The following SH3RF1 variants were observed in gnomAD, a reference collection of about 807,000 sequenced individuals.
SH3RF1 encodes the protein SH3 domain containing ring finger 1.
Under a neutral mutation model 74.0 loss-of-function variants are expected in SH3RF1, and 32 were observed. The ratio of observed to expected loss-of-function variants is 0.43; its 90% CI spans 0.33 to 0.58. SH3RF1 has a LOEUF of 0.58. SH3RF1 is among the 20% of genes least tolerant of loss of function. SH3RF1 has a pLI of 0.05. For missense variants in SH3RF1, 954 were observed against 1,130.9 expected (o/e 0.84, Z 2.24); for synonymous variants, 396 against 439.6 (o/e 0.90, Z 1.24).
intron 4 of SH3RF1, among the ~76,000 whole-genome samples, chr4:169,154,146 T>A (rs1056048453): frequency 2.6e-5 from 4 of 152,190 alleles, no homozygotes; most frequent in Admixed American, 1.3e-4. Flanking sequence ...TTAGAATATA[T>A]ACATAATGTA....
intron 2 of SH3RF1, chr4:169,167,246 T>A (rs779975372): frequency 6.6e-6 from 1 of 152,594 alleles, no homozygotes; most frequent in African/African-American, 2.4e-5. Flanking sequence ...ATCAGGCAAC[T>A]GCAAAATAAA....
intron 2 of SH3RF1, among the ~76,000 whole-genome samples, chr4:169,229,153 G>A (rs1479143664): frequency 6.6e-6 from 1 of 152,122 alleles, no homozygotes; most frequent in Non-Finnish European, 1.5e-5. Context: ...ACAGGATCTT[G>A]TTCTGCGGCC....
At position 169,247,454 on chromosome 4, in the gene SH3RF1, C is replaced by T. The variant is rs77180990; in HGVS notation, c.393+21366G>A. On this transcript the variant is annotated intron_variant, in intron 2 of 11. Coordinates refer to ENST00000284637, the MANE Select transcript of SH3RF1 (RefSeq NM_020870.4). ...AGAGCTGCAGGCAGGCCTGGTAACA[C>T]GAGGCACGTATGAAGGTGTGAGCTA... Among the ~76,000 whole-genome samples, 501 of 152,248 alleles carry T rather than the reference C, an allele frequency of 3.3e-3. 2 individuals are homozygous for T. Among genetic ancestry groups the T allele is most frequent in the African/African-American group, 0.01 (432 of 41,530 alleles).
At chr4:169,131,608 G>A (rs1370457391) in intron 5 of SH3RF1, among the ~76,000 whole-genome samples, 1 of 152,220 alleles carries the variant, frequency 6.6e-6, no homozygotes, top group East Asian at 1.9e-4. Context: ...GTTTCACGCT[G>A]ACTTCCCAGA....
intron 6 of SH3RF1, among the ~76,000 whole-genome samples, chr4:169,125,524 C>T (rs778987572): frequency 7.2e-5 from 11 of 152,178 alleles, no homozygotes; most frequent in Non-Finnish European, 1.6e-4. Context: ...TACAGGCCAG[C>T]TTGCCAGTAA....
chr4:169,175,504 C>T (rs1734405690), intron 2 of SH3RF1, among the ~76,000 whole-genome samples: 1 of 152,170 alleles, frequency 6.6e-6, no homozygotes. Flanking sequence ...ACTTTTCCTT[C>T]TGCTTAGAAT....
rs958344565 is a variant in SH3RF1 at position 169,198,668 on chromosome 4, C to T, written c.394-41989G>A. Among the ~76,000 whole-genome samples the T allele has an allele frequency of 3.9e-4, 59 of 151,686 alleles. 1 individual carries two copies. Among genetic ancestry groups the T allele is most frequent in the Admixed American group, 3.7e-3 (57 of 15,212 alleles). ...GTATACATAAGTATATTAAGCAAAACGATTACTAAAGAGAATAAATAAAAA... is the reference window on the plus strand; with the variant it reads ...GTATACATAAGTATATTAAGCAAAATGATTACTAAAGAGAATAAATAAAAA... On this transcript the variant is annotated intron_variant, in intron 2 of 11. Coordinates refer to ENST00000284637, the MANE Select transcript of SH3RF1 (RefSeq NM_020870.4).
chr4:169,148,805 A>T (rs1252783019), intron 4 of SH3RF1, among the ~76,000 whole-genome samples: 1 of 152,170 alleles, frequency 6.6e-6, no homozygotes, highest in Non-Finnish European at 1.5e-5. Context: ...GATAGTATTT[A>T]TTTGGACCCT....
chr4:169,184,049 G>A (rs17544505), intron 2 of SH3RF1, among the ~76,000 whole-genome samples: 3,301 of 152,266 alleles, frequency 0.022, 65 homozygotes, highest in Middle Eastern at 0.085. Context: ...TAAGGAGGCT[G>A]GAAGGTGTTC....
intron 2 of SH3RF1, among the ~76,000 whole-genome samples, chr4:169,264,474 T>C (rs1731322356): frequency 6.6e-6 from 1 of 152,152 alleles, no homozygotes; most frequent in Admixed American, 6.5e-5. Context: ...ATTCAGCCCC[T>C]AACAGTCAGC....
At chr4:169,217,485 T>C (rs1353766739) in intron 2 of SH3RF1, 1 of 152,320 alleles carries the variant, frequency 6.6e-6, no homozygotes, top group Non-Finnish European at 1.5e-5. Flanking sequence ...GGAAAGTCAG[T>C]TGGCAAAAGG....
intron 2 of SH3RF1, among the ~76,000 whole-genome samples, chr4:169,188,055 G>T (rs1476712700): frequency 6.6e-6 from 1 of 152,004 alleles, no homozygotes; most frequent in Non-Finnish European, 1.5e-5. Context: ...GGCAACCACC[G>T]AAAACTAGGA....
In SH3RF1 at chr4:169,107,045, T is replaced by C. The variant is rs753383438; in HGVS notation, c.2300A>G (p.His767Arg). Residue 767 changes from histidine to arginine, a missense_variant, in exon 11 of 12, where the codon CAT becomes CGT. This residue lies in a region of SH3RF1 where 854 missense variants were observed against 962.5 expected (regional missense o/e 0.89). Coordinates refer to ENST00000284637, the MANE Select transcript of SH3RF1 (RefSeq NM_020870.4). ...VGPELPPGGG[H>R]GRAGSCPVDG... ...CACAGGGCAGGAGCCTGCCCTGCCA[T>C]GGCCACCTCCTGGTGGCAGTTCGGG... 11 of 1,613,754 alleles carry C rather than the reference T, an allele frequency of 6.8e-6. No homozygotes were observed. The highest frequency in any genetic ancestry group is 2.7e-5 in the African/African-American group (2 of 74,922).
intron 2 of SH3RF1, among the ~76,000 whole-genome samples, chr4:169,221,900 C>T (rs1730570239): frequency 6.6e-6 from 1 of 152,084 alleles, no homozygotes; most frequent in Non-Finnish European, 1.5e-5. Context: ...AACCTTTTTG[C>T]TTAACTGGAT....
intron 2 of SH3RF1, among the ~76,000 whole-genome samples, chr4:169,185,680 T>C (rs1428380515): frequency 6.6e-6 from 1 of 152,026 alleles, no homozygotes; most frequent in Admixed American, 6.6e-5. Context: ...CTGAGGAGGT[T>C]TTCAGACCCA....
chr4:169,154,278 C>G (rs1734017936), intron 4 of SH3RF1, among the ~76,000 whole-genome samples: 1 of 152,156 alleles, frequency 6.6e-6, no homozygotes, highest in African/African-American at 2.4e-5. Context: ...ATTCAAGACT[C>G]ATACATGGTT....
intron 2 of SH3RF1, among the ~76,000 whole-genome samples, chr4:169,191,490 A>G (rs555850990): frequency 1.3e-5 from 2 of 152,270 alleles, no homozygotes; most frequent in South Asian, 4.1e-4. Context: ...TACAAATTCA[A>G]TGCAATCCCC....
intron 2 of SH3RF1, among the ~76,000 whole-genome samples, chr4:169,189,397 A>G (rs887965527): frequency 6.6e-6 from 1 of 152,238 alleles, no homozygotes; most frequent in Non-Finnish European, 1.5e-5. Flanking sequence ...GGCAGAAGTC[A>G]TGGTAGGTTA....
intron 2 of SH3RF1, among the ~76,000 whole-genome samples, chr4:169,164,097 G>T (rs1246525735): frequency 6.6e-6 from 1 of 152,112 alleles, no homozygotes; most frequent in Non-Finnish European, 1.5e-5. Context: ...CTCTTTTTAT[G>T]TACACCTAGA....
Sources: allele counts gnomAD v4.1 joint callset (sites outside exome capture counted in the v4.1 genomes callset), GRCh38; gene constraint gnomAD v4.1.1; regional missense constraint gnomAD v4.1.1; transcripts MANE v1.5; gene names NCBI Gene and HGNC (gene_info 2026-07-23, HGNC 2026-07-21).